CTNND2: variants seen among roughly 807,000 people sequenced by gnomAD.
The protein encoded by CTNND2 is catenin delta-2.
A neutral mutation model predicts 144.4 loss-of-function variants in CTNND2; 22 were observed. The ratio of observed to expected loss-of-function variants is 0.15; its 90% confidence interval spans 0.11 to 0.22. The LOEUF is 0.22. Ranked by LOEUF, CTNND2 falls within the 10% of genes least tolerant of loss-of-function variation. CTNND2 has a pLI of 1.00. For missense variants in CTNND2, 1,353 were observed against 1,618.8 expected (o/e 0.84, Z 2.82); for synonymous variants, 751 against 695.6 (o/e 1.08, Z -1.25).
intron 10 of CTNND2, among the ~76,000 whole-genome samples, chr5:11,233,738 G>GTA (rs1741306739): frequency 6.6e-6 from 1 of 151,998 alleles, no homozygotes; most frequent in Admixed American, 6.6e-5. Flanking sequence ...GTGTGTGTGT[G>GTA]TGTGTGTGTA....
chr5:11,077,396 G>C (rs1443064670), intron 16 of CTNND2, among the ~76,000 whole-genome samples: 1 of 152,296 alleles, frequency 6.6e-6, no homozygotes, highest in East Asian at 1.9e-4. Flanking sequence ...ACGTGAGTGA[G>C]GTGAGGACTG....
chr5:11,334,064 A>C (rs896139140), intron 9 of CTNND2, among the ~76,000 whole-genome samples: 1 of 152,174 alleles, frequency 6.6e-6, no homozygotes, highest in Non-Finnish European at 1.5e-5. Flanking sequence ...ACTTTGAAAA[A>C]CTTGAAAATA....
chr5:11,131,976 T>G (rs764068257), intron 12 of CTNND2, among the ~76,000 whole-genome samples: 5 of 152,192 alleles, frequency 3.3e-5, no homozygotes, highest in African/African-American at 4.8e-5. Context: ...AAGTTTTCCT[T>G]GAGGTCTATT....
chr5:11,881,942 C>T (rs1447156400), intron 1 of CTNND2, among the ~76,000 whole-genome samples: 3 of 151,846 alleles, frequency 2.0e-5, no homozygotes, highest in Admixed American at 6.6e-5. Context: ...TGGGTTGAAA[C>T]GATAACTCAT....
At chr5:11,166,112 A>G (rs1263072890) in intron 11 of CTNND2, among the ~76,000 whole-genome samples, 1 of 152,186 alleles carries the variant, frequency 6.6e-6, no homozygotes, top group Non-Finnish European at 1.5e-5. Flanking sequence ...TTTACAATTA[A>G]TTAGTGAATT....
At chr5:11,616,215 C>CA (rs1289378693) in intron 2 of CTNND2, among the ~76,000 whole-genome samples, 1 of 152,256 alleles carries the variant, frequency 6.6e-6, no homozygotes, top group East Asian at 1.9e-4. Flanking sequence ...TTTCTCGCTA[C>CA]AAAAATGATC....
intron 16 of CTNND2, among the ~76,000 whole-genome samples, chr5:11,073,103 G>A (rs564149319): frequency 1.2e-4 from 19 of 152,318 alleles, no homozygotes; most frequent in East Asian, 7.7e-4. Flanking sequence ...ATCTTTAAAC[G>A]TTTAAACTCA....
chr5:11,546,166 G>A (rs1318576971), intron 3 of CTNND2, among the ~76,000 whole-genome samples: 4 of 152,136 alleles, frequency 2.6e-5, no homozygotes, highest in Admixed American at 1.3e-4. Context: ...CTTTTGGTGT[G>A]ATGGAAATGT....
At chr5:11,872,042 C>A (rs1735175684) in intron 1 of CTNND2, among the ~76,000 whole-genome samples, 2 of 151,810 alleles carry the variant, frequency 1.3e-5, no homozygotes, top group Admixed American at 6.6e-5. Flanking sequence ...TAGCCCCCCA[C>A]CCCTCAACAT....
intron 7 of CTNND2, among the ~76,000 whole-genome samples, chr5:11,375,033 G>A (rs900160851): frequency 6.6e-6 from 1 of 151,886 alleles, no homozygotes; most frequent in Non-Finnish European, 1.5e-5. Context: ...TTTGTAAATG[G>A]GTTCAAATAT....
intron 9 of CTNND2, among the ~76,000 whole-genome samples, chr5:11,285,771 G>A (rs1747658106): frequency 8.5e-6 from 1 of 117,794 alleles, no homozygotes; most frequent in South Asian, 2.7e-4. Context: ...ATAAGCCCAG[G>A]AGGCCTTTCC....
chr5:11,600,408 T>C (rs1296348101), intron 2 of CTNND2, among the ~76,000 whole-genome samples: 1 of 152,110 alleles, frequency 6.6e-6, no homozygotes, highest in East Asian at 1.9e-4. Context: ...TGTGCAAATT[T>C]TTTATATGAA....
chr5:11,156,435 C>A (rs1184116185), intron 12 of CTNND2, among the ~76,000 whole-genome samples: 1 of 152,098 alleles, frequency 6.6e-6, no homozygotes, highest in Non-Finnish European at 1.5e-5. Context: ...TTTTACCTAC[C>A]ACATGCTCCT....
intron 1 of CTNND2, among the ~76,000 whole-genome samples, chr5:11,836,352 A>ATTAGAGAACCACATACTACTCTT (rs1794180289): frequency 6.6e-6 from 1 of 152,200 alleles, no homozygotes; most frequent in East Asian, 1.9e-4. Context: ...AAACTTGAGA[A>ATTAGAGAACCACATACTACTCTT]TTAGAGAACC....
chr5:10,988,099 A>AG lies in CTNND2; in HGVS notation c.3343+11dup. On this transcript the variant is annotated intron_variant, in intron 20 of 21. Coordinates refer to ENST00000304623, the MANE Select transcript of CTNND2 (RefSeq NM_001332.4). The surrounding 1 kb of genome is among the most constrained non-coding windows in gnomAD (Gnocchi z 5.9). ...ACCAAGTTCCAGGAGGGGGCGCGCG[A>AG]GGGGCGCTCACCTGTCATGGCATCT... 1.9e-6 allele frequency: 3 copies of AG among 1,613,814 alleles called. No individual in the cohort carries two copies. The highest frequency in any genetic ancestry group is 1.6e-4 in the Middle Eastern group (1 of 6,062).
At chr5:11,558,261 G>A (rs1421928939) in intron 3 of CTNND2, among the ~76,000 whole-genome samples, 1 of 151,852 alleles carries the variant, frequency 6.6e-6, no homozygotes. Context: ...TCAAGGTCAC[G>A]TACAGAAAGG....
intron 2 of CTNND2, among the ~76,000 whole-genome samples, chr5:11,568,582 T>C (rs1242187474): frequency 6.6e-6 from 1 of 152,216 alleles, no homozygotes; most frequent in East Asian, 1.9e-4. Flanking sequence ...CTGACTGATT[T>C]TTCAACTGAG....
At chr5:11,662,811 C>T (rs1783346624) in intron 2 of CTNND2, among the ~76,000 whole-genome samples, 2 of 152,096 alleles carry the variant, frequency 1.3e-5, no homozygotes, top group Non-Finnish European at 2.9e-5. Flanking sequence ...CCCCCTGCCT[C>T]CCCATCCCAA....
intron 16 of CTNND2, among the ~76,000 whole-genome samples, chr5:11,031,696 C>T (rs182854305): frequency 7.7e-4 from 117 of 152,132 alleles, no homozygotes; most frequent in Middle Eastern, 3.4e-3. Flanking sequence ...ACCATCCAGT[C>T]GGCTGCCAGC....
Sources: allele counts gnomAD v4.1 joint callset (sites outside exome capture counted in the v4.1 genomes callset), GRCh38; gene constraint gnomAD v4.1.1; non-coding constraint Gnocchi (gnomAD v3.1); transcripts MANE v1.5; gene names NCBI Gene and HGNC (gene_info 2026-07-23, HGNC 2026-07-21).